LARGE1: variants seen among roughly 807,000 people sequenced by gnomAD.
LARGE1 encodes LARGE xylosyl- and glucuronyltransferase 1.
LARGE1 carries 43 observed loss-of-function variants against 87.6 expected under a neutral mutation model. The ratio of observed to expected loss-of-function variants is 0.49; its 90% confidence interval spans 0.38 to 0.63. LARGE1 has a LOEUF of 0.63. Ranked by LOEUF, LARGE1 falls within the 30% of genes least tolerant of loss-of-function variation. The pLI is 0.00. For missense variants in LARGE1, 802 were observed against 1,000.2 expected, an observed-to-expected ratio of 0.80 and a Z score of 2.67; for synonymous variants, 434 against 394.6, an observed-to-expected ratio of 1.10 and a Z score of -1.18.
chr22:33,842,951 A>G (rs1025156136), intron 1 of LARGE1, among the ~76,000 whole-genome samples: 29 of 113,226 alleles, frequency 2.6e-4, no homozygotes, highest in African/African-American at 8.6e-4. Flanking sequence ...AACAAAACAA[A>G]ACAAAAAAAC....
intron 6 of LARGE1, among the ~76,000 whole-genome samples, chr22:33,470,609 G>A (rs1251935397): frequency 6.6e-6 from 1 of 152,172 alleles, no homozygotes; most frequent in Non-Finnish European, 1.5e-5. Context: ...GTGGGCACAT[G>A]CTCTCCCTCA....
chr22:33,728,498 C>A (rs909915290), intron 2 of LARGE1, among the ~76,000 whole-genome samples: 1 of 146,772 alleles, frequency 6.8e-6, no homozygotes, highest in Non-Finnish European at 1.5e-5. Context: ...AAGATCACGC[C>A]ACTGCACTAC....
chr22:33,466,693 T>TACACACACAC (rs536654371), intron 6 of LARGE1, among the ~76,000 whole-genome samples: 6,068 of 145,196 alleles, frequency 0.042, 150 homozygotes, highest in Non-Finnish European at 0.049. Context: ...TCTCTCTCTC[T>TACACACACAC]ACACACACAC....
At chr22:33,825,833 T>G (rs1037932410) in intron 1 of LARGE1, among the ~76,000 whole-genome samples, 5 of 152,156 alleles carry the variant, frequency 3.3e-5, no homozygotes, top group African/African-American at 7.2e-5. Context: ...GACTGGAAGC[T>G]GCTACATTCC....
intron 6 of LARGE1, among the ~76,000 whole-genome samples, chr22:33,534,540 T>C (rs2076989152): frequency 6.6e-6 from 1 of 152,058 alleles, no homozygotes; most frequent in Non-Finnish European, 1.5e-5. Context: ...ATGGGAAATG[T>C]AAGAGCAAAG....
At chr22:33,716,401 G>C (rs1036360250) in intron 2 of LARGE1, among the ~76,000 whole-genome samples, 1 of 151,944 alleles carries the variant, frequency 6.6e-6, no homozygotes, top group Non-Finnish European at 1.5e-5. Flanking sequence ...TGTTTTCTTT[G>C]TTGTTGTTGC....
intron 11 of LARGE1, among the ~76,000 whole-genome samples, chr22:33,184,104 C>CATATATATATATATATATATA (rs1923347747): frequency 1.6e-5 from 1 of 62,716 alleles, no homozygotes; most frequent in African/African-American, 5.1e-5. Context: ...ATATATATAT[C>CATATATATATATATATATATA]ATATCTTTAT....
intron 1 of LARGE1, among the ~76,000 whole-genome samples, chr22:33,777,878 G>C (rs1319150413): frequency 6.6e-6 from 1 of 152,176 alleles, no homozygotes; most frequent in African/African-American, 2.4e-5. Context: ...CCTGTTTTGG[G>C]GGGCTTTCCT....
At chr22:33,337,573 T>C in intron 10 of LARGE1, 73 bp downstream of exon 10, 13 of 1,561,348 alleles carry the variant, frequency 8.3e-6, no homozygotes, top group Non-Finnish European at 9.7e-6. Context: ...ACATAGAGCC[T>C]GGCATGGGGG....
intron 5 of LARGE1, among the ~76,000 whole-genome samples, chr22:33,573,296 G>A (rs557597273): frequency 8.5e-5 from 13 of 152,052 alleles, no homozygotes; most frequent in South Asian, 6.2e-4. Context: ...AAAATTAGCC[G>A]GGCGTGGTGG....
intron 6 of LARGE1, among the ~76,000 whole-genome samples, chr22:33,513,048 C>A (rs2071128342): frequency 1.3e-5 from 2 of 152,032 alleles, no homozygotes; most frequent in Non-Finnish European, 1.5e-5. Context: ...CCCAGAGATG[C>A]AAACCTTCCA....
chr22:33,685,859 T>C (rs2081927758), intron 2 of LARGE1, among the ~76,000 whole-genome samples: 1 of 152,168 alleles, frequency 6.6e-6, no homozygotes, highest in South Asian at 2.1e-4. Context: ...TGTGTCACAC[T>C]CTCCTTAGTC....
At chr22:33,669,772 C>T (rs1478102439) in intron 2 of LARGE1, among the ~76,000 whole-genome samples, 1 of 152,188 alleles carries the variant, frequency 6.6e-6, no homozygotes, top group Non-Finnish European at 1.5e-5. Context: ...GGAGTCTGAG[C>T]CATCAGGCAA....
chr22:33,518,142 T>G (rs966010267), intron 6 of LARGE1, among the ~76,000 whole-genome samples: 6 of 152,334 alleles, frequency 3.9e-5, no homozygotes, highest in African/African-American at 1.2e-4. Context: ...TAATGGTTAA[T>G]GTGCATGAAG....
chr22:33,360,438 C>T (rs950931921), intron 9 of LARGE1, among the ~76,000 whole-genome samples: 1 of 149,690 alleles, frequency 6.7e-6, no homozygotes, highest in African/African-American at 2.5e-5. Flanking sequence ...AGGAAACTTA[C>T]AATCATGGCA....
the LARGE1 span, among the ~76,000 whole-genome samples, chr22:33,125,392 A>G: frequency 6.6e-6 from 1 of 151,936 alleles, no homozygotes; most frequent in Non-Finnish European, 1.5e-5. Context: ...TGAGCATCCT[A>G]TATGTATCGT....
chr22:33,373,892 T>G (rs976354527), intron 9 of LARGE1, among the ~76,000 whole-genome samples: 1 of 143,368 alleles, frequency 7.0e-6, no homozygotes, highest in African/African-American at 2.7e-5. Context: ...GAGAATCACT[T>G]GAACCCGGGA....
chr22:33,407,795 C>T (rs545885657), intron 7 of LARGE1, among the ~76,000 whole-genome samples: 7 of 152,052 alleles, frequency 4.6e-5, no homozygotes, highest in Admixed American at 2.0e-4. Flanking sequence ...GCTTTGGAAG[C>T]GAAAAGGACT....
chr22:33,332,247 C>T (rs1937814409), intron 10 of LARGE1, among the ~76,000 whole-genome samples: 1 of 152,144 alleles, frequency 6.6e-6, no homozygotes, highest in African/African-American at 2.4e-5. Flanking sequence ...TCCCCCTATA[C>T]TGGTCTCATG....
Sources: gnomAD v4.1 joint callset for allele counts (sites outside exome capture counted in the v4.1 genomes callset) on GRCh38, gnomAD v4.1.1 for gene constraint, MANE v1.5 for transcripts, NCBI Gene and HGNC (gene_info 2026-07-23, HGNC 2026-07-21) for gene names.